The following PACRGL variants were observed in gnomAD, a reference collection of about 807,000 sequenced individuals.
PACRGL encodes PACRG-like protein.
In PACRGL, 38 loss-of-function variants were observed where a neutral mutation model predicts 34.5. The ratio of observed to expected loss-of-function variants is 1.10; its 90% CI spans 0.85 to 1.44. The LOEUF (loss-of-function observed/expected upper bound fraction) is 1.44, where lower values mean the gene tolerates loss of function less well. Among genes scored for constraint, PACRGL ranks in the 40% most tolerant of loss-of-function variants. The pLI is 0.00. For missense variants in PACRGL, 305 were observed against 281.4 expected, an observed-to-expected ratio of 1.08 and a Z score of -0.60; for synonymous variants, 128 against 100.1, an observed-to-expected ratio of 1.28 and a Z score of -1.66.
At chr4:20,704,114 A>C (rs1047999221) in intron 1 of PACRGL, among the ~76,000 whole-genome samples, 1 of 152,216 alleles carries the variant, frequency 6.6e-6, no homozygotes, top group Admixed American at 6.5e-5. Flanking sequence ...AAGATGGAGA[A>C]GATGACAGGG....
chr4:20,707,772 G>T, intron 3 of PACRGL, 31 bp from the exon 4 acceptor site: 1 of 1,586,930 alleles, frequency 6.3e-7, no homozygotes, highest in Non-Finnish European at 8.7e-7. Context: ...AGAAGTATAG[G>T]TGATAGTAAT....
In PACRGL at chr4:20,731,706, T is replaced by C; in HGVS notation, c.*4365T>C. 1 of 985,218 alleles carries C rather than the reference T, an allele frequency of 1.0e-6. No individual in the cohort carries two copies. The highest frequency in any genetic ancestry group is 1.2e-6 in the Non-Finnish European group (1 of 829,726). 61.0% of individuals were successfully genotyped at this position (985,218 alleles called of 1,614,324 possible). A position where few individuals can be genotyped will look rare whatever the true frequency, so the allele number is the denominator to read the frequency against. On this transcript the variant is annotated 3_prime_UTR_variant, in exon 9 of 9. Coordinates refer to ENST00000503585, the MANE Select transcript of PACRGL (RefSeq NM_001258345.3). ...AAGTTTTGGCAAAGAGCAATTCAAA[T>C]CTCATGTATGTTTTATCCTCCATGA...
At chr4:20,711,335 T>C (rs764909486) in intron 5 of PACRGL, among the ~76,000 whole-genome samples, 5 of 152,188 alleles carry the variant, frequency 3.3e-5, no homozygotes, top group Non-Finnish European at 7.3e-5. Context: ...CTTTCTGTAT[T>C]GAGTAGATTT....
the PACRGL span, among the ~76,000 whole-genome samples, chr4:20,763,055 G>T: frequency 1.3e-5 from 2 of 152,074 alleles, no homozygotes; most frequent in African/African-American, 2.4e-5. Flanking sequence ...TGGGGGAACT[G>T]CCTCCATGAT....
chr4:20,763,167 T>G, the PACRGL span, among the ~76,000 whole-genome samples: 1 of 152,142 alleles, frequency 6.6e-6, no homozygotes, highest in African/African-American at 2.4e-5. Flanking sequence ...ACATCACCAG[T>G]TGAACATACC....
rs143205507 is a variant in PACRGL, at chr4:20,747,387, A to G, written c.*57-5178A>G. Among the ~76,000 whole-genome samples the G allele has an allele frequency of 3.9e-3, 595 of 152,312 alleles. 6 individuals carry two copies. The highest frequency in any genetic ancestry group is 0.013 in the African/African-American group (559 of 41,566). ...AAAACCTTTGGCTTCTATATTATAG[A>G]TAAATTAAGACTGTGCTGGAATTAA... On this transcript the variant is annotated intron_variant, in intron 8 of 8. Coordinates refer to the PACRGL transcript ENST00000507634.
Position 20,729,877 on chromosome 4 carries a change from G to GAACTCAGTGGCA in PACRGL, c.*2537_*2548dup. 2.1e-6 allele frequency: 1 copy of GAACTCAGTGGCA among 478,762 alleles called. No individual in the cohort carries two copies. The highest frequency in any genetic ancestry group is 3.6e-6 in the Non-Finnish European group (1 of 277,096). The allele number at this position is 478,762 out of a possible 1,614,324, so 29.7% of individuals were successfully genotyped here. On this transcript the variant is annotated 3_prime_UTR_variant, in exon 9 of 9. Transcript: ENST00000503585. ...TATGAAATGAGTTAGACCATCCCCT[G>GAACTCAGTGGCA]AACTCAGTGGCATTATGAAAAGGAT...
upstream of PACRGL, among the ~76,000 whole-genome samples, chr4:20,697,701 C>T (rs940230771): frequency 6.6e-6 from 1 of 152,126 alleles, no homozygotes; most frequent in Non-Finnish European, 1.5e-5. Flanking sequence ...ATTGATTTCT[C>T]ATGGTTCTGG....
chr4:20,730,278 C>A lies in PACRGL; in HGVS notation c.*2937C>A. ...ATTAAGTGTTTGCAAATGTAAATGC[C>A]ATTCTATTCTATCCATTTTCCACAT... On this transcript the variant is annotated 3_prime_UTR_variant, in exon 9 of 9. Coordinates refer to ENST00000503585, the MANE Select transcript of PACRGL (RefSeq NM_001258345.3). 3 of 998,114 alleles carry A rather than the reference C, an allele frequency of 3.0e-6. No individual in the cohort carries two copies. Among genetic ancestry groups the A allele is most frequent in the Non-Finnish European group, 4.1e-6 (3 of 724,568 alleles). The allele number at this position is 998,114 out of a possible 1,614,324, so 61.8% of individuals were successfully genotyped here.
At chr4:20,738,190 A>G (rs965664077) in intron 8 of PACRGL, among the ~76,000 whole-genome samples, 4 of 152,174 alleles carry the variant, frequency 2.6e-5, no homozygotes, top group African/African-American at 9.6e-5. Flanking sequence ...TGCAGAACAT[A>G]GAGCCTTATT....
chr4:20,708,193 A>G (rs921021827), intron 4 of PACRGL, among the ~76,000 whole-genome samples: 3 of 152,202 alleles, frequency 2.0e-5, no homozygotes, highest in Non-Finnish European at 4.4e-5. Context: ...TCTTGTTGGT[A>G]AAATGAAAGT....
the PACRGL span, chr4:20,758,814 T>C: frequency 6.2e-7 from 1 of 1,607,130 alleles, no homozygotes. Context: ...TCCACATTTG[T>C]ACTTACCTCC....
chr4:20,727,170 C>T (rs2149216270), intron 8 of PACRGL, 115 bp from the exon 9 acceptor site: 1 of 832,200 alleles, frequency 1.2e-6, no homozygotes, highest in Non-Finnish European at 1.9e-6. Context: ...TCATTTTGTT[C>T]TTACCCCTTT....
chr4:20,712,297 A>T (rs1737664174), intron 5 of PACRGL, among the ~76,000 whole-genome samples: 1 of 145,044 alleles, frequency 6.9e-6, no homozygotes. Flanking sequence ...GTGAGTAGAG[A>T]TTACTCCTGT....
Position 20,709,872 on chromosome 4 carries a change from T to G in PACRGL, c.366+99T>G, listed in dbSNP as rs1736299183. On this transcript the variant is annotated intron_variant, in intron 5 of 8. Coordinates refer to ENST00000503585, the MANE Select transcript of PACRGL (RefSeq NM_001258345.3). ...TGTCAGTAAATTTCATTCTATGCCTTTGAAAAACGAAGCACACAATAGGCA... is the reference window on the plus strand; with the variant it reads ...TGTCAGTAAATTTCATTCTATGCCTGTGAAAAACGAAGCACACAATAGGCA... 4.2e-6 allele frequency: 4 copies of G among 955,950 alleles called. No individual in the cohort carries two copies. In the African/African-American group the frequency reaches 4.9e-5, roughly 12 times the overall value. The allele number at this position is 955,950 out of a possible 1,614,324, so 59.2% of individuals were successfully genotyped here.
rs1040046271 is a variant in PACRGL at position 20,730,484 on chromosome 4, G to A, written c.*3143G>A. Among the ~76,000 whole-genome samples the A allele has an allele frequency of 6.6e-6, 1 of 152,144 alleles. No homozygotes were observed. Among genetic ancestry groups the A allele is most frequent in the African/African-American group, 2.4e-5 (1 of 41,422 alleles). On this transcript the variant is annotated 3_prime_UTR_variant, in exon 9 of 9. Coordinates refer to ENST00000503585, the MANE Select transcript of PACRGL (RefSeq NM_001258345.3). ...AATGAGAATTTTGGCATTCTATGTA[G>A]ATCACAGGCCAAATCACACAGACTT...
Position 20,730,871 on chromosome 4 carries a change from C to T in PACRGL, c.*3530C>T, listed in dbSNP as rs902621086. The stretch of plus-strand genomic sequence containing the variant: ...TGGTAGTGGTAAATGGTGGCTGAAC[C>T]AATAATGGCTTCCACTGCTAGAAAC... On this transcript the variant is annotated 3_prime_UTR_variant, in exon 9 of 9. Transcript: ENST00000503585. Among the ~76,000 whole-genome samples, 16 of 152,132 alleles carry T rather than the reference C, an allele frequency of 1.1e-4. No homozygotes were observed. Among genetic ancestry groups the T allele is most frequent in the Admixed American group, 3.3e-4 (5 of 15,272 alleles).
the PACRGL span, among the ~76,000 whole-genome samples, chr4:20,765,351 G>T: frequency 2.0e-5 from 3 of 152,158 alleles, no homozygotes; most frequent in African/African-American, 7.2e-5. Context: ...GATGTACACG[G>T]TGTATTTGTA....
chr4:20,744,119 G>T (rs1291148542), intron 8 of PACRGL, among the ~76,000 whole-genome samples: 1 of 152,136 alleles, frequency 6.6e-6, no homozygotes, highest in Non-Finnish European at 1.5e-5. Flanking sequence ...AACAACAGAT[G>T]CTGGAGAGGA....
Sources: gnomAD v4.1 joint callset for allele counts (sites outside exome capture counted in the v4.1 genomes callset) on GRCh38, gnomAD v4.1.1 for gene constraint, MANE v1.5 for transcripts, NCBI Gene and HGNC (gene_info 2026-07-23, HGNC 2026-07-21) for gene names.